TMBIM1: variants seen among roughly 807,000 people sequenced by gnomAD.
The protein encoded by TMBIM1 is protein lifeguard 3.
Under a neutral mutation model 45.1 loss-of-function variants are expected in TMBIM1, and 34 were observed. The ratio of observed to expected loss-of-function variants is 0.75; its 90% CI spans 0.57 to 1.00. The LOEUF (loss-of-function observed/expected upper bound fraction) is 1.00, where lower values mean the gene tolerates loss of function less well. TMBIM1 is among the 50% of genes least tolerant of loss of function. TMBIM1 has a pLI of 0.00. For synonymous variants in TMBIM1, 157 were observed against 153.5 expected (o/e 1.02, Z -0.17); for missense variants, 374 against 402.4 (o/e 0.93, Z 0.60).
In TMBIM1 at chr2:218,281,997, G is replaced by T. The variant is rs200679829; in HGVS notation, c.145C>A (p.His49Asn). 1.2e-6 allele frequency: 2 copies of T among 1,607,422 alleles called. No individual in the cohort carries two copies. Among genetic ancestry groups the T allele is most frequent in the Non-Finnish European group, 8.5e-7 (1 of 1,177,948 alleles). The change falls in exon 2 of 12, where the codon CAC (histidine) becomes AAC (asparagine). Residue 49 changes from histidine (H) to asparagine (N), a missense_variant. By Grantham distance (68) the His-to-Asn change is moderately conservative (BLOSUM62 1). Coordinates refer to ENST00000258412, the MANE Select transcript of TMBIM1 (RefSeq NM_022152.6). ...ATGGGCTGTGGGTAGCCAGCAGGGT[G>T]ACCGTAGCCAGGCTGCGGGTAGCCA... Reference protein sequence around the residue: ...YPGYPQPGYGHPAGYPQPMPP... With the variant: ...YPGYPQPGYGNPAGYPQPMPP...
intron 1 of TMBIM1, among the ~76,000 whole-genome samples, chr2:218,290,499 G>T (rs765009469): frequency 6.6e-6 from 1 of 152,094 alleles, no homozygotes; most frequent in African/African-American, 2.4e-5. Context: ...ACTCTCAGGG[G>T]GTCAGCCCAG....
intron 2 of TMBIM1, chr2:218,281,134 T>TTTTTTGTTTTGTTTTG (rs1161085871): frequency 8.3e-6 from 1 of 120,572 alleles, no homozygotes; most frequent in African/African-American, 2.8e-5. Context: ...TTTTTGTTTT[T>TTTTTTGTTTTGTTTTG]TTTTTGGTTT....
At chr2:218,289,635 A>AAC (rs1692799692) in intron 1 of TMBIM1, among the ~76,000 whole-genome samples, 1 of 150,932 alleles carries the variant, frequency 6.6e-6, no homozygotes. Context: ...GAAAAAAAAA[A>AAC]AAAAAAAAAA....
rs1464436324 is a variant in TMBIM1, at chr2:218,280,119, G to A, written c.210C>T (p.Gly70=). 1 of 1,613,726 alleles carries A rather than the reference G, an allele frequency of 6.2e-7. No individual in the cohort carries two copies. ...CTCTCTCCTCCCCATCATAGCCATG[G>A]CCTGGGCCTAGGGACAGATGACACT... ...THPMPMNYGP[G]HGYDGEERAV... is the part of the protein sequence containing the mutation. Residue 70 remains glycine (G), a synonymous_variant, in exon 3 of 12, where the codon GGC becomes GGT. Coordinates refer to ENST00000258412, the MANE Select transcript of TMBIM1 (RefSeq NM_022152.6).
chr2:218,277,827 G>A, intron 7 of TMBIM1, 108 bp downstream of exon 7: 1 of 1,558,408 alleles, frequency 6.4e-7, no homozygotes, highest in Non-Finnish European at 8.8e-7. Flanking sequence ...CCCAGATAAG[G>A]TGGAGGAGAC....
At position 218,278,556 on chromosome 2, in the gene TMBIM1, G is replaced by A. The variant is rs769375632; in HGVS notation, c.432C>T (p.Phe144=). ...AGGCAAGGATCAGGTAGGTGACAACGAAGACAGCACTAGGGACAAAGAGAT... is the reference window on the plus strand; with the variant it reads ...AGGCAAGGATCAGGTAGGTGACAACAAAGACAGCACTAGGGACAAAGAGAT... ...VAVYYVSYAV[F]VVTYLILACC... The change falls in exon 6 of 12, where the codon TTC becomes TTT. Residue 144 remains phenylalanine (F), a synonymous_variant. Transcript: ENST00000258412. 6.8e-6 allele frequency: 11 copies of A among 1,614,062 alleles called. No individual in the cohort carries two copies. The highest frequency in any genetic ancestry group is 6.7e-5 in the African/African-American group (5 of 74,926).
At chr2:218,280,300 C>T (rs943436016) in intron 2 of TMBIM1, 174 bp from the exon 3 acceptor site, 5 of 574,064 alleles carry the variant, frequency 8.7e-6, no homozygotes, top group Middle Eastern at 3.7e-4. Flanking sequence ...GACCCAGAGC[C>T]GGCCTGTCAC....
chr2:218,288,221 G>T lies in TMBIM1; in HGVS notation c.-41+4245C>A, dbSNP rs565308695. On this transcript the variant is annotated intron_variant, in intron 1 of 11. Coordinates refer to ENST00000258412, the MANE Select transcript of TMBIM1 (RefSeq NM_022152.6). Reference sequence around the variant, plus strand: ...AGGCGGGCGGATCACGAGGTCAGGAGATCGAGACCATCCTGGCTAACATGG... The same window carrying T: ...AGGCGGGCGGATCACGAGGTCAGGATATCGAGACCATCCTGGCTAACATGG... Among the ~76,000 whole-genome samples the T allele has an allele frequency of 3.2e-3, 492 of 152,280 alleles. 3 individuals carry two copies. The highest frequency in any genetic ancestry group is 0.01 in the African/African-American group (432 of 41,552).
At chr2:218,291,299 A>C (rs1217606903) in intron 1 of TMBIM1, among the ~76,000 whole-genome samples, 1 of 152,090 alleles carries the variant, frequency 6.6e-6, no homozygotes, top group Non-Finnish European at 1.5e-5. Context: ...GATCCTCATG[A>C]CTGGAGAGAC....
At chr2:218,278,612 G>A (rs533249625) in intron 5 of TMBIM1, 47 bp from the exon 6 acceptor site, 31 of 1,604,814 alleles carry the variant, frequency 1.9e-5, no homozygotes, top group Non-Finnish European at 2.3e-5. Flanking sequence ...AATCTGCCCC[G>A]CTTGGCAGCA....
chr2:218,275,745 G>T, intron 11 of TMBIM1, 124 bp from the exon 12 acceptor site: 1 of 1,200,026 alleles, frequency 8.3e-7, no homozygotes. Flanking sequence ...TTAACGCACA[G>T]CATAACATAT....
intron 1 of TMBIM1, among the ~76,000 whole-genome samples, chr2:218,288,643 G>C (rs1692712979): frequency 6.6e-6 from 1 of 152,144 alleles, no homozygotes; most frequent in Admixed American, 6.6e-5. Flanking sequence ...TTTCAGATTA[G>C]GGACGCTCAA....
Position 218,275,740 on chromosome 2 carries a change from G to A in TMBIM1, c.790-119C>T, listed in dbSNP as rs553120470. On this transcript the variant is annotated intron_variant, in intron 11 of 11. Transcript: ENST00000258412. ...ACACAGTGCTTAGGGCCACATTAACGCACAGCATAACATATGGGCTCTATA... is the reference window on the plus strand; with the variant it reads ...ACACAGTGCTTAGGGCCACATTAACACACAGCATAACATATGGGCTCTATA... 61 of 1,249,616 alleles carry A rather than the reference G, an allele frequency of 4.9e-5. No homozygotes were observed. In the African/African-American group the frequency reaches 6.7e-4, roughly 14 times the overall value. 77.4% of individuals were successfully genotyped at this position (1,249,616 alleles called of 1,614,324 possible). A position where few individuals can be genotyped will look rare whatever the true frequency, so the allele number is the denominator to read the frequency against.
At chr2:218,278,029 G>C in intron 6 of TMBIM1, 55 bp from the exon 7 acceptor site, 1 of 1,598,592 alleles carries the variant, frequency 6.3e-7, no homozygotes, top group South Asian at 1.1e-5. Context: ...AGGCGTCAGA[G>C]GCTCCTACAG....
Position 218,274,586 on chromosome 2 carries a change from C to G in TMBIM1, c.*889G>C, listed in dbSNP as rs868124955. 5.1e-5 allele frequency: 8 copies of G among 155,344 alleles called. 1 individual carries two copies. The Middle Eastern group carries it at 3.1e-3, about 60-fold the overall frequency. The allele number at this position is 155,344 out of a possible 1,614,324, so 9.6% of individuals were successfully genotyped here. On this transcript the variant is annotated 3_prime_UTR_variant, in exon 12 of 12. Coordinates refer to ENST00000258412, the MANE Select transcript of TMBIM1 (RefSeq NM_022152.6). The stretch of plus-strand genomic sequence containing the variant: ...CCCCCAGGCATTCTCCCTGCCCGCA[C>G]CGAGTCTCTCTTCACCCTGGCTACT...
intron 2 of TMBIM1, among the ~76,000 whole-genome samples, chr2:218,281,339 G>A (rs1054694231): frequency 1.4e-4 from 21 of 152,074 alleles, no homozygotes; most frequent in African/African-American, 4.8e-4. Context: ...GTTTTGCCAT[G>A]TTGGCCAGGC....
chr2:218,277,959 C>A lies in TMBIM1; in HGVS notation c.489G>T (p.Trp163Cys). 1 of 1,614,170 alleles carries A rather than the reference C, an allele frequency of 6.2e-7. No homozygotes were observed. The highest frequency in any genetic ancestry group is 8.5e-7 in the Non-Finnish European group (1 of 1,180,030). The change falls in exon 7 of 12, where the codon TGG becomes TGT. Residue 163 changes from tryptophan to cysteine, a missense_variant. By Grantham distance (215) the Trp-to-Cys change is radical. Coordinates refer to ENST00000258412, the MANE Select transcript of TMBIM1 (RefSeq NM_022152.6). ...CCQGPRRRFP[W>C]NIILLTLFTF... ...CAAAAAGGGTCAGCAGAATGATGTT[C>A]CATGGGAAACGGCGTCTGAAGGGAA...
At chr2:218,286,148 C>G (rs917872245) in intron 1 of TMBIM1, 3 of 152,944 alleles carry the variant, frequency 2.0e-5, no homozygotes, top group African/African-American at 7.2e-5. Flanking sequence ...AAGGTCCCCA[C>G]TGGAAGCCTG....
chr2:218,279,996 G>A lies in TMBIM1; in HGVS notation c.303+30C>T. ...CATTCCCACAGCCTGAGGGGCCCCA[G>A]GTACACCCACCTCCCAGCGCGTATC... On this transcript the variant is annotated intron_variant, in intron 3 of 11. Transcript: ENST00000258412. The A allele has an allele frequency of 2.5e-6, 4 of 1,597,158 alleles. No individual in the cohort carries two copies. In the South Asian group the frequency reaches 4.4e-5, roughly 18 times the overall value.
Sources: allele counts gnomAD v4.1 joint callset (sites outside exome capture counted in the v4.1 genomes callset), GRCh38; gene constraint gnomAD v4.1.1; transcripts MANE v1.5; gene names NCBI Gene and HGNC (gene_info 2026-07-23, HGNC 2026-07-21).